The following INTU variants were observed in gnomAD, a reference collection of about 807,000 sequenced individuals.
The protein encoded by INTU is inturned planar cell polarity protein.
In INTU, 68 loss-of-function variants were observed where a neutral mutation model predicts 100.5. The ratio of observed to expected loss-of-function variants is 0.68; its 90% confidence interval spans 0.56 to 0.83. The LOEUF (loss-of-function observed/expected upper bound fraction) is 0.83. INTU is among the 40% of genes least tolerant of loss of function. The pLI is 0.00. For synonymous variants in INTU, 357 were observed against 395.7 expected, an observed-to-expected ratio of 0.90 and a Z score of 1.16; for missense variants, 1,071 against 1,114.7, an observed-to-expected ratio of 0.96 and a Z score of 0.56.
At chr4:127,683,024 A>C (rs760755044) in intron 6 of INTU, among the ~76,000 whole-genome samples, 8 of 152,200 alleles carry the variant, frequency 5.3e-5, no homozygotes, top group Non-Finnish European at 1.2e-4. Context: ...CAGCCGAATC[A>C]GCTAGGCAGA....
chr4:127,698,164 G>A (rs1730479200), intron 8 of INTU, among the ~76,000 whole-genome samples: 1 of 151,948 alleles, frequency 6.6e-6, no homozygotes. Context: ...CGGCCGCAGT[G>A]GCTCACACCT....
At chr4:127,672,749 G>C (rs538974288) in intron 5 of INTU, among the ~76,000 whole-genome samples, 2 of 152,102 alleles carry the variant, frequency 1.3e-5, no homozygotes, top group African/African-American at 4.8e-5. Flanking sequence ...ATTTCTAAAA[G>C]TATTAAGACA....
At chr4:127,667,004 C>T (rs1014807785) in intron 4 of INTU, among the ~76,000 whole-genome samples, 1 of 152,102 alleles carries the variant, frequency 6.6e-6, no homozygotes, top group East Asian at 1.9e-4. Flanking sequence ...AAAATACATA[C>T]AGACCTAGAG....
intron 2 of INTU, among the ~76,000 whole-genome samples, chr4:127,645,533 GTTATTTTT>G (rs1245653810): frequency 1.3e-5 from 2 of 150,170 alleles, no homozygotes; most frequent in Non-Finnish European, 2.9e-5. Flanking sequence ...TATTGTTGTT[GTTATTTTT>G]TTATTTTTTA....
intron 6 of INTU, among the ~76,000 whole-genome samples, chr4:127,678,065 GAAAC>G (rs1214765305): frequency 3.3e-5 from 5 of 152,148 alleles, no homozygotes; most frequent in Non-Finnish European, 7.3e-5. Context: ...AGAATAAAAA[GAAAC>G]AAACAAAGCC....
intron 1 of INTU, among the ~76,000 whole-genome samples, chr4:127,639,836 C>T (rs1727230980): frequency 6.6e-6 from 1 of 152,068 alleles, no homozygotes; most frequent in African/African-American, 2.4e-5. Flanking sequence ...ACTATAGTCT[C>T]CCTACTGTGT....
Position 127,718,105 on chromosome 4 carries a change from A to C in INTU, c.*1669A>C, listed in dbSNP as rs1346358287. The C allele has an allele frequency of 6.6e-6, 1 of 151,910 alleles. No homozygotes were observed. The highest frequency in any genetic ancestry group is 1.5e-5 in the Non-Finnish European group (1 of 67,942). The allele number at this position is 151,910 out of a possible 1,614,324, so 9.4% of individuals were successfully genotyped here. On this transcript the variant is annotated 3_prime_UTR_variant, in exon 16 of 16. Transcript: ENST00000335251. ...GTATTGCCTAGATTTTCTTCTAGGG[A>C]TTTTATAGTTTTGGGCTTTACATTT...
At chr4:127,698,058 T>C (rs1238864087) in intron 8 of INTU, among the ~76,000 whole-genome samples, 1 of 152,126 alleles carries the variant, frequency 6.6e-6, no homozygotes, top group African/African-American at 2.4e-5. Flanking sequence ...AGGCGGAGGT[T>C]GCGGTGAGCT....
At position 127,725,614 on chromosome 4, in the gene INTU, T is replaced by G. The variant is rs1731406180; in HGVS notation, c.*9178T>G. ...TGTTTCATTTAATGAAATTTTGATG[T>G]GTTGAACTGCTTTCCTGGTGTCAGA... On this transcript the variant is annotated 3_prime_UTR_variant, in exon 16 of 16. Transcript: ENST00000335251. The G allele has an allele frequency of 1.3e-5, 2 of 152,164 alleles. No individual in the cohort carries two copies. The highest frequency in any genetic ancestry group is 6.5e-5 in the Admixed American group (1 of 15,274). 9.4% of individuals were successfully genotyped at this position (152,164 alleles called of 1,614,324 possible).
intron 8 of INTU, among the ~76,000 whole-genome samples, chr4:127,689,328 A>G (rs1458740066): frequency 1.3e-5 from 2 of 152,018 alleles, no homozygotes; most frequent in African/African-American, 4.8e-5. Flanking sequence ...TATGAGATAT[A>G]TAATTCTACC....
intron 12 of INTU, among the ~76,000 whole-genome samples, chr4:127,707,245 G>T (rs948187521): frequency 6.6e-6 from 1 of 151,798 alleles, no homozygotes; most frequent in Admixed American, 6.6e-5. Flanking sequence ...TGCCAGGCAC[G>T]TTGGTGCACA....
Position 127,663,370 on chromosome 4 carries a change from A to C in INTU, c.769-11A>C. On this transcript the variant is annotated splice_polypyrimidine_tract_variant and intron_variant, in intron 3 of 15. Transcript: ENST00000335251. ...TGTCGAAAAGTCAACACATTGTTTT[A>C]ATTTTTAAAGGTGAAACTGACATTT... 6.2e-7 allele frequency: 1 copy of C among 1,604,668 alleles called. No individual in the cohort carries two copies. The highest frequency in any genetic ancestry group is 8.5e-7 in the Non-Finnish European group (1 of 1,173,110).
chr4:127,633,887 C>T (rs1165538599), intron 1 of INTU, among the ~76,000 whole-genome samples: 1 of 152,114 alleles, frequency 6.6e-6, no homozygotes, highest in Non-Finnish European at 1.5e-5. Context: ...AAAATCTACC[C>T]CTTACTGCTA....
intron 8 of INTU, among the ~76,000 whole-genome samples, chr4:127,689,081 C>T (rs1009569237): frequency 2.0e-5 from 3 of 147,388 alleles, no homozygotes; most frequent in Non-Finnish European, 4.5e-5. Flanking sequence ...ATCCCAGGCT[C>T]GGGTGATCTT....
intron 5 of INTU, among the ~76,000 whole-genome samples, chr4:127,670,038 A>G (rs915499951): frequency 6.6e-6 from 1 of 151,902 alleles, no homozygotes; most frequent in Non-Finnish European, 1.5e-5. Context: ...AGAACTCTTA[A>G]TATAGTCAAT....
chr4:127,668,822 G>A (rs562493928), intron 4 of INTU, among the ~76,000 whole-genome samples: 19 of 151,514 alleles, frequency 1.3e-4, no homozygotes, highest in African/African-American at 4.1e-4. Context: ...GACTAATTTC[G>A]GCAGTCTCTA....
chr4:127,679,815 G>A (rs1314014711), intron 6 of INTU, among the ~76,000 whole-genome samples: 1 of 151,952 alleles, frequency 6.6e-6, no homozygotes, highest in African/African-American at 2.4e-5. Context: ...GAATCCAGGA[G>A]CTGGTTTTTT....
intron 2 of INTU, among the ~76,000 whole-genome samples, chr4:127,648,473 G>T (rs531414764): frequency 6.6e-6 from 1 of 152,168 alleles, no homozygotes; most frequent in Admixed American, 6.5e-5. Context: ...CTTTTTAGAG[G>T]TTTGTTAGAC....
intron 6 of INTU, among the ~76,000 whole-genome samples, chr4:127,679,922 A>C (rs1729439288): frequency 6.6e-6 from 1 of 152,244 alleles, no homozygotes; most frequent in Non-Finnish European, 1.5e-5. Flanking sequence ...TAAAGGAGAT[A>C]TCACCACCGA....
Sources: allele counts gnomAD v4.1 joint callset (sites outside exome capture counted in the v4.1 genomes callset), GRCh38; gene constraint gnomAD v4.1.1; transcripts MANE v1.5; gene names NCBI Gene and HGNC (gene_info 2026-07-23, HGNC 2026-07-21).